The following CCDC138 variants were observed in gnomAD, a reference collection of about 807,000 sequenced individuals.
CCDC138 encodes the protein coiled-coil domain containing 138, also known as coiled-coil domain-containing protein 138.
In CCDC138, 66 loss-of-function variants were observed where a neutral mutation model predicts 82.3. That is an observed-to-expected ratio of 0.80 (90% confidence interval 0.66 to 0.98). The LOEUF is 0.98. Ranked by LOEUF, CCDC138 falls within the 50% of genes least tolerant of loss-of-function variation. The pLI, the probability that CCDC138 is intolerant of heterozygous loss-of-function variation, is 0.00. For synonymous variants in CCDC138, 297 were observed against 265.4 expected (o/e 1.12, Z -1.16); for missense variants, 816 against 758.9 (o/e 1.08, Z -0.88).
chr2:108,830,157 A>G (rs1331702544), intron 10 of CCDC138, among the ~76,000 whole-genome samples: 2 of 152,340 alleles, frequency 1.3e-5, no homozygotes, highest in Non-Finnish European at 2.9e-5. Flanking sequence ...GCTAGACACC[A>G]GATGACAAAT....
At chr2:108,862,128 A>G (rs1348128883) in intron 13 of CCDC138, among the ~76,000 whole-genome samples, 5 of 147,688 alleles carry the variant, frequency 3.4e-5, no homozygotes, top group Admixed American at 1.4e-4. Context: ...GGTCAGTCAT[A>G]GAGTATGTTT....
intron 2 of CCDC138, among the ~76,000 whole-genome samples, chr2:108,788,619 C>T (rs1331772692): frequency 6.6e-6 from 1 of 151,648 alleles, no homozygotes; most frequent in Non-Finnish European, 1.5e-5. Context: ...ACTCAGGAGG[C>T]TGAGGCAGGA....
chr2:108,788,161 G>T lies in CCDC138; in HGVS notation c.151+72G>T, dbSNP rs1245672336. 4.0e-6 allele frequency: 6 copies of T among 1,496,208 alleles called. No individual in the cohort carries two copies. The African/African-American group carries it at 8.6e-5, about 21-fold the overall frequency. The allele number at this position is 1,496,208 out of a possible 1,614,324, so 92.7% of individuals were successfully genotyped here. On this transcript the variant is annotated intron_variant, in intron 2 of 14. Coordinates refer to ENST00000295124, the MANE Select transcript of CCDC138 (RefSeq NM_144978.3). Reference sequence around the variant, plus strand: ...AGGCTGGGCGCGGTGGCTCACGCCTGTAATCCCAGCACTTTGGGAGGCCGA... The same window carrying T: ...AGGCTGGGCGCGGTGGCTCACGCCTTTAATCCCAGCACTTTGGGAGGCCGA...
chr2:108,848,307 T>C (rs1432385884), intron 12 of CCDC138, among the ~76,000 whole-genome samples: 1 of 152,174 alleles, frequency 6.6e-6, no homozygotes, highest in African/African-American at 2.4e-5. Context: ...GTGCTCTCTG[T>C]CACCACTTGT....
chr2:108,814,134 G>A (rs1406175454), intron 9 of CCDC138, among the ~76,000 whole-genome samples: 1 of 152,126 alleles, frequency 6.6e-6, no homozygotes, highest in African/African-American at 2.4e-5. Flanking sequence ...TCATAAGGTC[G>A]ATAAAGGTAG....
chr2:108,837,397 C>T (rs529871480), intron 10 of CCDC138, among the ~76,000 whole-genome samples: 5 of 152,096 alleles, frequency 3.3e-5, no homozygotes, highest in Admixed American at 2.0e-4. Context: ...TTAGTCATGG[C>T]GTATAATCCC....
At chr2:108,790,130 T>C (rs1346103433) in intron 3 of CCDC138, among the ~76,000 whole-genome samples, 2 of 152,170 alleles carry the variant, frequency 1.3e-5, no homozygotes, top group Non-Finnish European at 2.9e-5. Flanking sequence ...AAATAATAAG[T>C]ACTCAAATGT....
At chr2:108,798,288 G>A (rs1681247010) in intron 5 of CCDC138, 140 bp from the exon 6 acceptor site, 1 of 751,846 alleles carries the variant, frequency 1.3e-6, no homozygotes, top group African/African-American at 1.8e-5. Flanking sequence ...TACTAGTCTA[G>A]CTACTGTAAT....
chr2:108,822,559 A>T (rs1685895625), intron 10 of CCDC138, among the ~76,000 whole-genome samples: 1 of 152,230 alleles, frequency 6.6e-6, no homozygotes, highest in African/African-American at 2.4e-5. Flanking sequence ...GTTTGGCCAC[A>T]AAACAAGTCT....
intron 7 of CCDC138, among the ~76,000 whole-genome samples, chr2:108,810,531 T>C (rs987857835): frequency 2.0e-4 from 30 of 152,212 alleles, no homozygotes; most frequent in African/African-American, 7.0e-4. Context: ...TATGGTATAT[T>C]ATCTTTTTGG....
At chr2:108,849,967 G>T (rs1691179655) in intron 12 of CCDC138, among the ~76,000 whole-genome samples, 1 of 152,204 alleles carries the variant, frequency 6.6e-6, no homozygotes, top group African/African-American at 2.4e-5. Flanking sequence ...GGGCTAGGAG[G>T]GTTCAACAGG....
At position 108,791,746 on chromosome 2, in the gene CCDC138, A is replaced by G. The variant is rs754292524; in HGVS notation, c.338A>G (p.Asp113Gly). The change falls in exon 4 of 15, where the codon GAT (aspartate) becomes GGT (glycine). Residue 113 changes from aspartate (D) to glycine (G), a missense_variant. Asp to Gly is a moderately conservative substitution (Grantham distance 94). Coordinates refer to ENST00000295124, the MANE Select transcript of CCDC138 (RefSeq NM_144978.3). ...QETEEELIEN[D>G]YRVSTSKITK... ...ACAGAAGAAGAGTTAATTGAAAATG[A>G]TTATAGAGTTAGTACCTCGAAAATA... The G allele has an allele frequency of 5.7e-5, 92 of 1,605,872 alleles. 1 individual carries two copies. Among genetic ancestry groups the G allele is most frequent in the Middle Eastern group, 5.0e-4 (3 of 6,052 alleles).
At chr2:108,798,708 TACACACACACACACAC>T (rs34242205) in intron 6 of CCDC138, 122 bp downstream of exon 6, 146 of 429,158 alleles carry the variant, frequency 3.4e-4, no homozygotes, top group Middle Eastern at 3.2e-3. Flanking sequence ...TCTCCACGCC[TACACACACACACACAC>T]ACACACACAC....
At chr2:108,836,942 T>A (rs1219547294) in intron 10 of CCDC138, among the ~76,000 whole-genome samples, 3 of 152,266 alleles carry the variant, frequency 2.0e-5, no homozygotes, top group East Asian at 3.9e-4. Flanking sequence ...ATTTATGTAT[T>A]CTTTTTTTTT....
At chr2:108,850,086 A>G (rs567605260) in intron 12 of CCDC138, among the ~76,000 whole-genome samples, 5 of 152,236 alleles carry the variant, frequency 3.3e-5, no homozygotes, top group Non-Finnish European at 7.3e-5. Flanking sequence ...CCTCGGAACT[A>G]CTGTCAGACA....
At chr2:108,787,794 TG>T (rs902235126) in intron 1 of CCDC138, among the ~76,000 whole-genome samples, 28 of 152,098 alleles carry the variant, frequency 1.8e-4, no homozygotes, top group African/African-American at 6.8e-4. Flanking sequence ...TTCGTTAGAT[TG>T]ATTATGCATT....
intron 10 of CCDC138, among the ~76,000 whole-genome samples, chr2:108,834,214 A>G (rs1266381004): frequency 1.4e-5 from 2 of 139,688 alleles, no homozygotes; most frequent in East Asian, 4.1e-4. Context: ...CATCTTTGAA[A>G]TTTTTTTTTT....
chr2:108,789,298 A>T (rs1405098774), intron 3 of CCDC138, among the ~76,000 whole-genome samples: 2 of 152,172 alleles, frequency 1.3e-5, no homozygotes, highest in South Asian at 4.1e-4. Context: ...TTTTTTTTAG[A>T]AAAGGAACTA....
chr2:108,873,682 C>G (rs1209096061), intron 14 of CCDC138, 93 bp downstream of exon 14: 1 of 816,956 alleles, frequency 1.2e-6, no homozygotes, highest in African/African-American at 1.7e-5. Flanking sequence ...TTCCCTGGGC[C>G]ACACTGGATG....
Sources: gnomAD v4.1 joint callset for allele counts (sites outside exome capture counted in the v4.1 genomes callset) on GRCh38, gnomAD v4.1.1 for gene constraint, MANE v1.5 for transcripts, NCBI Gene and HGNC (gene_info 2026-07-23, HGNC 2026-07-21) for gene names.